CSMD1: variants seen among roughly 807,000 people sequenced by gnomAD.
The protein encoded by CSMD1 is CUB and Sushi multiple domains 1.
CSMD1 carries 213 observed loss-of-function variants against 417.5 expected under a neutral mutation model. The ratio of observed to expected loss-of-function variants is 0.51; its 90% confidence interval spans 0.46 to 0.57. The LOEUF is 0.57. CSMD1 is among the 20% of genes least tolerant of loss of function. The probability of loss-of-function intolerance (pLI) is 0.00; values close to 1 mark genes in which losing one functional copy is unlikely to be tolerated. For missense variants in CSMD1, 6,923 were observed against 4,529.7 expected, an observed-to-expected ratio of 1.53 and a Z score of -15.17; for synonymous variants, 2,862 against 1,736.8, an observed-to-expected ratio of 1.65 and a Z score of -16.11.
chr8:4,760,004 G>C (rs552986773), intron 1 of CSMD1, among the ~76,000 whole-genome samples: 3 of 152,146 alleles, frequency 2.0e-5, no homozygotes, highest in Non-Finnish European at 2.9e-5. Flanking sequence ...TTCCACAATG[G>C]TTGAACTAAT....
intron 50 of CSMD1, among the ~76,000 whole-genome samples, chr8:3,031,131 A>G (rs1585188602): frequency 6.6e-6 from 1 of 152,032 alleles, no homozygotes; most frequent in South Asian, 2.1e-4. Flanking sequence ...TGTTTCTGAA[A>G]AGCCCTTAAA....
intron 47 of CSMD1, among the ~76,000 whole-genome samples, chr8:3,092,820 T>C (rs1385140897): frequency 1.3e-5 from 2 of 152,210 alleles, no homozygotes; most frequent in South Asian, 4.1e-4. Context: ...CATTATCTCA[T>C]ACTCGTAAAA....
chr8:4,773,064 G>T (rs1261091693), intron 1 of CSMD1, among the ~76,000 whole-genome samples: 1 of 152,130 alleles, frequency 6.6e-6, no homozygotes, highest in Admixed American at 6.5e-5. Flanking sequence ...TTTGCCACCA[G>T]AAGTATTTCA....
chr8:4,877,932 G>A (rs189004981), intron 1 of CSMD1, among the ~76,000 whole-genome samples: 1 of 152,144 alleles, frequency 6.6e-6, no homozygotes, highest in African/African-American at 2.4e-5. Flanking sequence ...ATGGGAAAGG[G>A]ACCTACCCAA....
At chr8:4,899,323 T>C (rs533818861) in intron 1 of CSMD1, among the ~76,000 whole-genome samples, 5 of 108,148 alleles carry the variant, frequency 4.6e-5, no homozygotes, top group South Asian at 3.6e-4. Context: ...ACCTTTAAAA[T>C]TGAAGTGGCA....
intron 3 of CSMD1, among the ~76,000 whole-genome samples, chr8:4,118,030 G>C (rs956929399): frequency 6.6e-6 from 1 of 151,280 alleles, no homozygotes; most frequent in Admixed American, 6.6e-5. Flanking sequence ...TTTTTCTCAA[G>C]CCTCTTAGTC....
At chr8:3,478,353 T>C (rs77041173) in intron 11 of CSMD1, among the ~76,000 whole-genome samples, 2,461 of 152,344 alleles carry the variant, frequency 0.016, 73 homozygotes, top group African/African-American at 0.054. Flanking sequence ...GATGCTACTT[T>C]ACAGATTTCC....
chr8:3,799,115 A>G (rs563726389), intron 5 of CSMD1, among the ~76,000 whole-genome samples: 164 of 152,240 alleles, frequency 1.1e-3, no homozygotes, highest in South Asian at 9.1e-3. Flanking sequence ...TCAATTTGCT[A>G]CATAGTTTAA....
At chr8:3,427,652 A>G (rs62505576) in intron 12 of CSMD1, among the ~76,000 whole-genome samples, 15,975 of 152,118 alleles carry the variant, frequency 0.11, 942 homozygotes, top group African/African-American at 0.14. Context: ...AAAAATAATG[A>G]TATTTATTAA....
chr8:3,550,787 G>C (rs1022756784), intron 10 of CSMD1, among the ~76,000 whole-genome samples: 2 of 152,246 alleles, frequency 1.3e-5, no homozygotes, highest in African/African-American at 4.8e-5. Context: ...ATCCTTCCTG[G>C]GTCACAGACA....
chr8:4,806,962 G>C (rs1280865005), intron 1 of CSMD1, among the ~76,000 whole-genome samples: 2 of 152,094 alleles, frequency 1.3e-5, no homozygotes, highest in Non-Finnish European at 2.9e-5. Flanking sequence ...ATTCTATGTG[G>C]CATTTTGATT....
intron 51 of CSMD1, among the ~76,000 whole-genome samples, chr8:3,024,177 G>C (rs1809675035): frequency 4.6e-5 from 7 of 151,808 alleles, no homozygotes; most frequent in Admixed American, 3.9e-4. Flanking sequence ...AAACATGAGA[G>C]ATAAATGTAA....
At chr8:3,895,497 T>C (rs972575874) in intron 5 of CSMD1, among the ~76,000 whole-genome samples, 1 of 152,106 alleles carries the variant, frequency 6.6e-6, no homozygotes, top group African/African-American at 2.4e-5. Flanking sequence ...TTAGGCCTAT[T>C]ATCAATTTAA....
At chr8:4,690,871 G>A (rs1473175810) in intron 1 of CSMD1, among the ~76,000 whole-genome samples, 2 of 152,046 alleles carry the variant, frequency 1.3e-5, no homozygotes, top group African/African-American at 4.8e-5. Flanking sequence ...TGGGACTATA[G>A]GTGCATGTCA....
At chr8:4,640,044 A>G (rs1803098182) in intron 1 of CSMD1, among the ~76,000 whole-genome samples, 1 of 152,206 alleles carries the variant, frequency 6.6e-6, no homozygotes, top group Non-Finnish European at 1.5e-5. Context: ...AAAAAGAAAA[A>G]TCAGTTCAAC....
chr8:4,864,127 G>T (rs192294022), intron 1 of CSMD1, among the ~76,000 whole-genome samples: 21 of 151,926 alleles, frequency 1.4e-4, no homozygotes, highest in Non-Finnish European at 2.4e-4. Flanking sequence ...CTTTGTCTGG[G>T]TATTTTTTAT....
intron 21 of CSMD1, among the ~76,000 whole-genome samples, chr8:3,356,246 A>T (rs139620320): frequency 1.3e-5 from 2 of 152,354 alleles, no homozygotes; most frequent in East Asian, 3.9e-4. Context: ...AACATGAAGC[A>T]TGGATGAATC....
chr8:3,484,716 C>T (rs1209830000), intron 11 of CSMD1, among the ~76,000 whole-genome samples: 3 of 152,186 alleles, frequency 2.0e-5, no homozygotes, highest in Non-Finnish European at 4.4e-5. Flanking sequence ...ATCTTGACTA[C>T]ACAAAGAATT....
intron 4 of CSMD1, among the ~76,000 whole-genome samples, chr8:4,023,215 C>G (rs1796876557): frequency 6.6e-6 from 1 of 152,192 alleles, no homozygotes; most frequent in Non-Finnish European, 1.5e-5. Context: ...TCAGGGAAGC[C>G]AGATGTGAAA....
Sources: gnomAD v4.1 joint callset for allele counts (sites outside exome capture counted in the v4.1 genomes callset) on GRCh38, gnomAD v4.1.1 for gene constraint, MANE v1.5 for transcripts, NCBI Gene and HGNC (gene_info 2026-07-23, HGNC 2026-07-21) for gene names.